The following SMARCA4 variants were observed in gnomAD, a reference collection of about 807,000 sequenced individuals.
The protein encoded by SMARCA4 is SWI/SNF-related matrix-associated actin-dependent regulator of chromatin subfamily A member 4.
In SMARCA4, 31 loss-of-function variants were observed where a neutral mutation model predicts 193.9. The ratio of observed to expected loss-of-function variants is 0.16; its 90% CI spans 0.12 to 0.22. SMARCA4 has a LOEUF of 0.22. Among genes scored for constraint, SMARCA4 ranks in the 10% least tolerant of loss-of-function variants. The pLI is 1.00. For synonymous variants in SMARCA4, 942 were observed against 933.1 expected, an observed-to-expected ratio of 1.01 and a Z score of -0.17; for missense variants, 1,148 against 2,296.0, an observed-to-expected ratio of 0.50 and a Z score of 10.22.
At chr19:11,020,230 C>T (rs982065026) in intron 18 of SMARCA4, among the ~76,000 whole-genome samples, 6 of 152,080 alleles carry the variant, frequency 3.9e-5, no homozygotes, top group East Asian at 3.9e-4. Context: ...TCTTCTGGGA[C>T]GAAACTGTGA....
intron 16 of SMARCA4, among the ~76,000 whole-genome samples, chr19:11,013,803 A>G (rs2089088792): frequency 6.6e-6 from 1 of 152,178 alleles, no homozygotes; most frequent in Non-Finnish European, 1.5e-5. Context: ...GCCCTCGGGC[A>G]CATCCCAGCA....
At chr19:11,051,598 C>G (rs539468413) in intron 30 of SMARCA4, among the ~76,000 whole-genome samples, 1 of 150,442 alleles carries the variant, frequency 6.6e-6, no homozygotes, top group East Asian at 2.0e-4. Flanking sequence ...TCAAGCAATT[C>G]TCCTGTTTCA....
intron 29 of SMARCA4, chr19:11,039,668 T>C (rs537033135): frequency 1.8e-4 from 90 of 492,682 alleles, no homozygotes; most frequent in African/African-American, 1.8e-3. Context: ...TTATGTTATA[T>C]ATGATTTATA....
chr19:11,047,331 T>C (rs2075995212), intron 30 of SMARCA4, among the ~76,000 whole-genome samples: 1 of 151,756 alleles, frequency 6.6e-6, no homozygotes, highest in South Asian at 2.1e-4. Flanking sequence ...CTCCTCCCTG[T>C]GGAGTTGAAG....
rs2145883866 is a variant in SMARCA4 at position 10,991,342 on chromosome 19, A to G, written c.1419+19A>G. ...GCACCAGGTACGCTCCGGTGGCCCC[A>G]AGGCCCTGCAGCCCGCCCACCTGGC... On this transcript the variant is annotated intron_variant, in intron 8 of 34. Transcript: ENST00000344626. 1.3e-6 allele frequency: 2 copies of G among 1,572,282 alleles called. No homozygotes were observed. The highest frequency in any genetic ancestry group is 1.7e-6 in the Non-Finnish European group (2 of 1,159,888).
intron 23 of SMARCA4, 55 bp from the exon 24 acceptor site, chr19:11,027,729 C>G (rs1416244669): frequency 1.2e-6 from 2 of 1,603,028 alleles, no homozygotes; most frequent in South Asian, 2.2e-5. Flanking sequence ...TACCTGCCTG[C>G]AGGGTTCCAG....
Position 11,039,767 on chromosome 19 carries a change from A to G in SMARCA4, c.4171-1540A>G, listed in dbSNP as rs577032259. On this transcript the variant is annotated intron_variant, in intron 29 of 34. Coordinates refer to ENST00000344626, the MANE Select transcript of SMARCA4 (RefSeq NM_003072.5). ...AGTTAAAGTCCAACCAGGGCAATGTAGCAAGACCACATGTCTAAGAAAATT... is the reference window on the plus strand; with the variant it reads ...AGTTAAAGTCCAACCAGGGCAATGTGGCAAGACCACATGTCTAAGAAAATT... 1.5e-4 allele frequency: 54 copies of G among 366,352 alleles called. No individual in the cohort carries two copies. In the East Asian group the frequency reaches 1.9e-3, roughly 13 times the overall value. The allele number at this position is 366,352 out of a possible 1,614,324, so 22.7% of individuals were successfully genotyped here. A position where few individuals can be genotyped will look rare whatever the true frequency, so the allele number is the denominator to read the frequency against.
chr19:10,967,685 GTT>G (rs111496379), intron 1 of SMARCA4, among the ~76,000 whole-genome samples: 11 of 126,750 alleles, frequency 8.7e-5, no homozygotes, highest in Non-Finnish European at 1.1e-4. Flanking sequence ...CAAATGTGTG[GTT>G]TTTTTTTTTT....
chr19:11,056,964 C>T (rs60313714), intron 30 of SMARCA4, among the ~76,000 whole-genome samples: 14,381 of 152,284 alleles, frequency 0.094, 1,243 homozygotes, highest in African/African-American at 0.23. Context: ...GCGGGGCCAG[C>T]CAGTGGCATG....
At position 11,059,853 on chromosome 19, in the gene SMARCA4, A is replaced by G. The variant is rs1555796008; in HGVS notation, c.4736A>G (p.Glu1579Gly). Reference protein sequence around the residue: ...DSEGEESEEEEEGEEEGSESE... With the variant: ...DSEGEESEEEGEGEEEGSESE... Reference sequence around the variant, plus strand: ...GAAGGCGAGGAGAGTGAGGAGGAGGAAGAGGGCGAGGAGGAAGGCTCCGAA... The same window carrying G: ...GAAGGCGAGGAGAGTGAGGAGGAGGGAGAGGGCGAGGAGGAAGGCTCCGAA... Residue 1579 changes from glutamate (E) to glycine (G), a missense_variant, in exon 33 of 35, where the codon GAA becomes GGA. Transcript: ENST00000344626. The G allele has an allele frequency of 6.2e-7, 1 of 1,613,926 alleles. No individual in the cohort carries two copies. The highest frequency in any genetic ancestry group is 8.5e-7 in the Non-Finnish European group (1 of 1,179,938).
chr19:11,042,262 T>A (rs2075662646), intron 30 of SMARCA4, among the ~76,000 whole-genome samples: 1 of 152,368 alleles, frequency 6.6e-6, no homozygotes, highest in Non-Finnish European at 1.5e-5. Flanking sequence ...GTTTTTCATT[T>A]ACTAATATCC....
At chr19:11,048,568 G>A (rs904084332) in intron 30 of SMARCA4, among the ~76,000 whole-genome samples, 1 of 152,230 alleles carries the variant, frequency 6.6e-6, no homozygotes, top group Non-Finnish European at 1.5e-5. Context: ...TCAGGAGCCT[G>A]CCTCGCCGAG....
At chr19:11,059,288 C>T in intron 32 of SMARCA4, 1 of 302,082 alleles carries the variant, frequency 3.3e-6, no homozygotes, top group Non-Finnish European at 6.4e-6. Flanking sequence ...CAAAGGAATC[C>T]TGTGGGTTTG....
At chr19:11,018,631 T>C (rs2089590486) in intron 16 of SMARCA4, among the ~76,000 whole-genome samples, 2 of 152,220 alleles carry the variant, frequency 1.3e-5, no homozygotes, top group African/African-American at 4.8e-5. Flanking sequence ...AAGCTGCATT[T>C]TCCCGGCAGC....
chr19:11,043,296 GAAAAA>G (rs1242657460), intron 30 of SMARCA4, among the ~76,000 whole-genome samples: 1 of 151,308 alleles, frequency 6.6e-6, no homozygotes, highest in Non-Finnish European at 1.5e-5. Context: ...CTCAAAAAGA[GAAAAA>G]AAGAAAGGTT....
At chr19:10,995,596 G>T (rs529316008) in intron 9 of SMARCA4, 6 of 426,990 alleles carry the variant, frequency 1.4e-5, no homozygotes, top group African/African-American at 1.0e-4. Context: ...ATGCACAAAC[G>T]CAGAGACCCA....
Position 11,062,056 on chromosome 19 carries a change from C to T in SMARCA4, c.*240C>T, listed in dbSNP as rs1001494473. 3 of 582,406 alleles carry T rather than the reference C, an allele frequency of 5.2e-6. No individual in the cohort carries two copies. The highest frequency in any genetic ancestry group is 2.9e-5 in the Admixed American group (1 of 34,188). 36.1% of individuals were successfully genotyped at this position (582,406 alleles called of 1,614,324 possible). A position where few individuals can be genotyped will look rare whatever the true frequency, so the allele number is the denominator to read the frequency against. ...TCTTAAAGAGAGAGAGAGAGAATTC[C>T]GAATTGGGGAACACACGATACCTGT... On this transcript the variant is annotated 3_prime_UTR_variant, in exon 35 of 35. Transcript: ENST00000344626.
At chr19:10,970,340 T>C (rs1219764274) in intron 1 of SMARCA4, among the ~76,000 whole-genome samples, 1 of 152,222 alleles carries the variant, frequency 6.6e-6, no homozygotes, top group African/African-American at 2.4e-5. Flanking sequence ...GTTGTGGGAA[T>C]TCCCAATTTA....
At chr19:11,060,294 G>C in intron 34 of SMARCA4, 107 bp downstream of exon 34, 3 of 1,378,450 alleles carry the variant, frequency 2.2e-6, no homozygotes, top group Non-Finnish European at 3.0e-6. Context: ...CCACGCTGCA[G>C]GTGGGAAAGC....
Sources: allele counts gnomAD v4.1 joint callset (sites outside exome capture counted in the v4.1 genomes callset), GRCh38; gene constraint gnomAD v4.1.1; transcripts MANE v1.5; gene names NCBI Gene and HGNC (gene_info 2026-07-23, HGNC 2026-07-21).